Variants in COX7B2 observed in about 807,000 individuals in gnomAD.
The protein encoded by COX7B2 is cytochrome c oxidase subunit 7B2.
For synonymous variants in COX7B2, 37 were observed against 32.1 expected, an observed-to-expected ratio of 1.15 and a Z score of -0.51; for missense variants, 109 against 95.9, an observed-to-expected ratio of 1.14 and a Z score of -0.57.
At chr4:46,879,672 T>C (rs1718583001) in intron 1 of COX7B2, among the ~76,000 whole-genome samples, 1 of 151,972 alleles carries the variant, frequency 6.6e-6, no homozygotes, top group Non-Finnish European at 1.5e-5. Flanking sequence ...ATACATTTAT[T>C]GTACCGCTTT....
At chr4:46,875,072 C>T (rs1718239538) in intron 1 of COX7B2, among the ~76,000 whole-genome samples, 1 of 152,134 alleles carries the variant, frequency 6.6e-6, no homozygotes, top group African/African-American at 2.4e-5. Context: ...CTAGAACAAA[C>T]ATCTGCCTGT....
intron 2 of COX7B2, among the ~76,000 whole-genome samples, chr4:46,821,735 T>C (rs1256544625): frequency 6.6e-6 from 1 of 152,206 alleles, no homozygotes; most frequent in East Asian, 1.9e-4. Flanking sequence ...TTATTATCAA[T>C]ATAGAACACT....
intron 2 of COX7B2, among the ~76,000 whole-genome samples, chr4:46,749,181 T>C (rs370256816): frequency 6.6e-6 from 1 of 151,672 alleles, no homozygotes; most frequent in Admixed American, 6.6e-5. Context: ...ATCTCCATCA[T>C]TTAGCTGAGC....
intron 1 of COX7B2, among the ~76,000 whole-genome samples, chr4:46,857,820 T>C (rs946460636): frequency 5.9e-5 from 9 of 152,202 alleles, no homozygotes; most frequent in Non-Finnish European, 1.0e-4. Context: ...CCTGAAAAAC[T>C]AACCCTGGTG....
chr4:46,851,266 G>T (rs888972930), intron 1 of COX7B2, among the ~76,000 whole-genome samples: 1 of 151,978 alleles, frequency 6.6e-6, no homozygotes, highest in Non-Finnish European at 1.5e-5. Flanking sequence ...GCATATCTAA[G>T]ATAAGCAAAA....
rs543947978 is a variant in COX7B2, at chr4:46,779,329, C to A, written c.-49-44088G>T. On this transcript the variant is annotated intron_variant, in intron 2 of 2. Transcript: ENST00000355591. ...TAGCAAACTGTTCTTTAGGTTCATT[C>A]ATATTGTCACAAATAGGAGGATTTC... Among the ~76,000 whole-genome samples, 3 of 152,238 alleles carry A rather than the reference C, an allele frequency of 2.0e-5. No individual in the cohort carries two copies. In the South Asian group the frequency reaches 6.2e-4, roughly 32 times the overall value.
intron 2 of COX7B2, among the ~76,000 whole-genome samples, chr4:46,768,102 G>C (rs1352601079): frequency 6.6e-6 from 1 of 152,252 alleles, no homozygotes; most frequent in East Asian, 1.9e-4. Context: ...TCCACGGATT[G>C]CGTAAGTGTT....
At chr4:46,875,392 T>A (rs1368849127) in intron 1 of COX7B2, among the ~76,000 whole-genome samples, 1 of 152,188 alleles carries the variant, frequency 6.6e-6, no homozygotes, top group East Asian at 1.9e-4. Context: ...TATTCTCAGT[T>A]GTCCCTGAAA....
chr4:46,817,904 G>T (rs538912711), intron 2 of COX7B2, among the ~76,000 whole-genome samples: 2 of 152,310 alleles, frequency 1.3e-5, no homozygotes, highest in South Asian at 4.1e-4. Context: ...TATATGAGAT[G>T]TTTGAATAAA....
chr4:46,771,845 C>T (rs749641260), intron 2 of COX7B2, among the ~76,000 whole-genome samples: 14 of 152,116 alleles, frequency 9.2e-5, no homozygotes, highest in African/African-American at 2.9e-4. Flanking sequence ...TACATACTTA[C>T]GGGTTGAACA....
intron 2 of COX7B2, among the ~76,000 whole-genome samples, chr4:46,736,313 TCCATCTC>T (rs1409220131): frequency 6.6e-6 from 1 of 152,088 alleles, no homozygotes; most frequent in East Asian, 1.9e-4. Context: ...CAGTTTCAAA[TCCATCTC>T]CCTGACTTAA....
intron 2 of COX7B2, among the ~76,000 whole-genome samples, chr4:46,790,830 ATACTT>A (rs2109584325): frequency 6.6e-6 from 1 of 152,270 alleles, no homozygotes; most frequent in South Asian, 2.1e-4. Context: ...ATAATACCTG[ATACTT>A]GCTGCTTAAG....
At chr4:46,820,821 CAAAA>C (rs754039038) in intron 2 of COX7B2, among the ~76,000 whole-genome samples, 1 of 137,780 alleles carries the variant, frequency 7.3e-6, no homozygotes, top group African/African-American at 2.7e-5. Context: ...AACTCCATCT[CAAAA>C]AAAAAAAAAA....
At chr4:46,899,004 T>C (rs543640395) in intron 1 of COX7B2, among the ~76,000 whole-genome samples, 2 of 152,326 alleles carry the variant, frequency 1.3e-5, no homozygotes, top group South Asian at 2.1e-4. Context: ...TATTTTACTA[T>C]GGTGGAGAAA....
chr4:46,823,273 TTTATATA>T (rs1240148959), intron 2 of COX7B2, among the ~76,000 whole-genome samples: 1 of 151,602 alleles, frequency 6.6e-6, no homozygotes, highest in Non-Finnish European at 1.5e-5. Context: ...TAGGTAGAAT[TTTATATA>T]TTATATATTA....
At chr4:46,861,407 A>G (rs1249155547) in intron 1 of COX7B2, among the ~76,000 whole-genome samples, 2 of 152,190 alleles carry the variant, frequency 1.3e-5, no homozygotes, top group African/African-American at 4.8e-5. Flanking sequence ...CGCTAGACTT[A>G]GATAAACCTC....
At chr4:46,735,909 C>T (rs1001090646) in intron 2 of COX7B2, among the ~76,000 whole-genome samples, 1 of 152,106 alleles carries the variant, frequency 6.6e-6, no homozygotes, top group African/African-American at 2.4e-5. Context: ...GAGCAGAAGA[C>T]ATTGAGAGTT....
At chr4:46,848,054 T>C (rs982896637) in intron 1 of COX7B2, among the ~76,000 whole-genome samples, 9 of 149,808 alleles carry the variant, frequency 6.0e-5, no homozygotes, top group African/African-American at 2.3e-4. Flanking sequence ...TTACAGCTGA[T>C]TTATCACAGA....
intron 2 of COX7B2, among the ~76,000 whole-genome samples, chr4:46,828,244 T>C (rs1448136316): frequency 1.3e-5 from 2 of 152,144 alleles, no homozygotes; most frequent in East Asian, 3.8e-4. Context: ...AGTATTAATC[T>C]AGATTATACA....
Sources: allele counts gnomAD v4.1 joint callset (sites outside exome capture counted in the v4.1 genomes callset), GRCh38; gene constraint gnomAD v4.1.1; transcripts MANE v1.5; gene names NCBI Gene and HGNC (gene_info 2026-07-23, HGNC 2026-07-21).